The following MED12L variants were observed in gnomAD, a reference collection of about 807,000 sequenced individuals.
The protein encoded by MED12L is mediator of RNA polymerase II transcription subunit 12-like protein.
MED12L carries 60 observed loss-of-function variants against 281.3 expected under a neutral mutation model. That is an observed-to-expected ratio of 0.21 (90% CI 0.17 to 0.26). The LOEUF is 0.26. MED12L is among the 10% of genes least tolerant of loss of function. The pLI, the probability that MED12L is intolerant of heterozygous loss-of-function variation, is 1.00. For synonymous variants in MED12L, 974 were observed against 987.2 expected (o/e 0.99, Z 0.25); for missense variants, 2,146 against 2,680.9 (o/e 0.80, Z 4.41).
At chr3:151,237,824 G>T (rs528354609) in intron 16 of MED12L, among the ~76,000 whole-genome samples, 1 of 151,994 alleles carries the variant, frequency 6.6e-6, no homozygotes, top group Non-Finnish European at 1.5e-5. Flanking sequence ...AAATGATATG[G>T]GCATCTCTTC....
chr3:151,326,428 A>T (rs1228889799), intron 16 of MED12L: 1 of 152,650 alleles, frequency 6.6e-6, no homozygotes, highest in African/African-American at 2.4e-5. Context: ...ATGCAATGTG[A>T]TAAGTTTAAT....
rs1054808780 is a variant in MED12L at position 151,087,150 on chromosome 3, CG to C, written c.99+130del. On this transcript the variant is annotated intron_variant, in intron 2 of 44. Transcript: ENST00000687756. ...AGAGGTCGGGGAGGGGGATTAGAGGCGGGGGCCAGGCTGGGGGTGCTGGGCG... is the reference window on the plus strand; with the variant it reads ...AGAGGTCGGGGAGGGGGATTAGAGGCGGGGCCAGGCTGGGGGTGCTGGGCG... The C allele has an allele frequency of 1.0e-3, 777 of 767,342 alleles. 3 individuals carry two copies. Among genetic ancestry groups the C allele is most frequent in the Non-Finnish European group, 1.2e-3 (586 of 500,360 alleles). 47.5% of individuals were successfully genotyped at this position (767,342 alleles called of 1,614,324 possible).
intron 16 of MED12L, among the ~76,000 whole-genome samples, chr3:151,317,197 G>T (rs1748367748): frequency 6.6e-6 from 1 of 152,048 alleles, no homozygotes; most frequent in African/African-American, 2.4e-5. Flanking sequence ...GAGTATTGTT[G>T]TAATTGATAA....
At chr3:151,341,111 T>C (rs982643667) in intron 16 of MED12L, among the ~76,000 whole-genome samples, 1 of 152,188 alleles carries the variant, frequency 6.6e-6, no homozygotes, top group Non-Finnish European at 1.5e-5. Context: ...TTATCTGAAA[T>C]ATATTGTGTA....
In MED12L at chr3:151,282,363, TTTTTG is replaced by T. The variant is rs200563510; in HGVS notation, c.2251-67692_2251-67688del. On this transcript the variant is annotated intron_variant, in intron 16 of 44. Transcript: ENST00000687756. ...ATATAATTTAGTTTTTTTTTGTTTT[TTTTTG>T]TTTGTTTGTTTGTTTTGCTGGCAAG... 4.5e-3 allele frequency among the ~76,000 whole-genome samples: 679 copies of T among 152,110 alleles called. 6 individuals are homozygous for T. The highest frequency in any genetic ancestry group is 0.016 in the African/African-American group (659 of 41,480).
At chr3:151,208,463 C>A (rs183191672) in intron 16 of MED12L, among the ~76,000 whole-genome samples, 32 of 152,286 alleles carry the variant, frequency 2.1e-4, no homozygotes, top group Middle Eastern at 3.4e-3. Flanking sequence ...GGATGGATCA[C>A]CGGAGGTCGG....
intron 16 of MED12L, among the ~76,000 whole-genome samples, chr3:151,321,507 T>A (rs1423214950): frequency 6.6e-6 from 1 of 152,180 alleles, no homozygotes; most frequent in East Asian, 1.9e-4. Context: ...ATAAAGCTAA[T>A]ATTTTTTTTA....
At chr3:151,261,644 T>TC (rs902132501) in intron 16 of MED12L, among the ~76,000 whole-genome samples, 3 of 152,124 alleles carry the variant, frequency 2.0e-5, no homozygotes, top group African/African-American at 7.2e-5. Context: ...ACACCTCCAT[T>TC]CCTGAAACTC....
At chr3:151,211,470 A>G (rs374047299) in intron 16 of MED12L, among the ~76,000 whole-genome samples, 6 of 151,074 alleles carry the variant, frequency 4.0e-5, no homozygotes, top group African/African-American at 1.5e-4. Context: ...TTGTGATAGC[A>G]TAGCAATTTT....
At chr3:151,209,466 A>T (rs1269740866) in intron 16 of MED12L, among the ~76,000 whole-genome samples, 2 of 152,166 alleles carry the variant, frequency 1.3e-5, no homozygotes, top group Admixed American at 1.3e-4. Flanking sequence ...TTTGACGGGC[A>T]TGTCTTGTCT....
intron 5 of MED12L, among the ~76,000 whole-genome samples, chr3:151,148,872 G>C (rs1347914212): frequency 1.3e-5 from 2 of 152,112 alleles, no homozygotes; most frequent in African/African-American, 4.8e-5. Flanking sequence ...AAAAAGAATG[G>C]AAAGTCCAAT....
At chr3:151,126,069 G>A (rs1221981617) in intron 4 of MED12L, among the ~76,000 whole-genome samples, 1 of 135,228 alleles carries the variant, frequency 7.4e-6, no homozygotes, top group African/African-American at 2.9e-5. Flanking sequence ...TTTTTTTTGA[G>A]ACATGATCTT....
Position 151,165,454 on chromosome 3 carries a change from TAAAAC to T in MED12L, c.1296_1300del (p.Gln433ArgfsTer11). 6.2e-7 allele frequency: 1 copy of T among 1,614,024 alleles called. No individual in the cohort carries two copies. Among genetic ancestry groups the T allele is most frequent in the Non-Finnish European group, 8.5e-7 (1 of 1,179,928 alleles). On this transcript the variant is annotated frameshift_variant, in exon 10 of 45. Transcript: ENST00000687756. LOFTEE classifies it high-confidence loss of function. ...AGGATTTATGAAGTAGAACAACAGA[TAAAAC>T]AAAGAGGCCGTGCAGTGGAAGTTCG...
chr3:151,270,113 G>A (rs1384703751), intron 16 of MED12L: 4 of 240,646 alleles, frequency 1.7e-5, no homozygotes, highest in South Asian at 5.1e-5. Flanking sequence ...GAAAGAAAGG[G>A]GGTGAAGGAG....
At position 151,399,481 on chromosome 3, in the gene MED12L, C is replaced by T. The variant is rs563609901; in HGVS notation, c.5820+4614C>T. On this transcript the variant is annotated intron_variant, in intron 39 of 44. Coordinates refer to ENST00000687756, the MANE Select transcript of MED12L (RefSeq NM_001393769.1). ...TTAGTGGTTACCAATAGAACAAACT[C>T]ATAAAAAGGAATGTTGTTTTGTCAT... 7.9e-4 allele frequency among the ~76,000 whole-genome samples: 120 copies of T among 152,262 alleles called. No homozygotes were observed. The Middle Eastern group carries it at 0.01, about 13-fold the overall frequency.
chr3:151,194,520 C>T (rs909221152), intron 16 of MED12L, among the ~76,000 whole-genome samples: 5 of 152,148 alleles, frequency 3.3e-5, no homozygotes, highest in African/African-American at 1.2e-4. Flanking sequence ...GGGCCCCTTC[C>T]ACTCTCAAAG....
intron 5 of MED12L, among the ~76,000 whole-genome samples, chr3:151,155,373 G>A (rs1371227149): frequency 6.6e-6 from 1 of 152,184 alleles, no homozygotes; most frequent in Non-Finnish European, 1.5e-5. Flanking sequence ...AGACATTTTT[G>A]AACAATTTCA....
chr3:151,323,968 G>A (rs1263041830), intron 16 of MED12L, among the ~76,000 whole-genome samples: 1 of 152,182 alleles, frequency 6.6e-6, no homozygotes, highest in Admixed American at 6.5e-5. Context: ...CCTCTAAGAA[G>A]CCTCCTCATT....
chr3:151,265,617 A>G (rs1260141813), intron 16 of MED12L, among the ~76,000 whole-genome samples: 2 of 152,170 alleles, frequency 1.3e-5, no homozygotes, highest in African/African-American at 2.4e-5. Flanking sequence ...CAGGCTCATC[A>G]TAAGAATATT....
Sources: gnomAD v4.1 joint callset for allele counts (sites outside exome capture counted in the v4.1 genomes callset) on GRCh38, gnomAD v4.1.1 for gene constraint, MANE v1.5 for transcripts, NCBI Gene and HGNC (gene_info 2026-07-23, HGNC 2026-07-21) for gene names.